The following GRIK4 variants were observed in gnomAD, a reference collection of about 807,000 sequenced individuals.
GRIK4 encodes the protein glutamate ionotropic receptor kainate type subunit 4.
GRIK4 carries 40 observed loss-of-function variants against 104.9 expected under a neutral mutation model. That is an observed-to-expected ratio of 0.38 (90% CI 0.30 to 0.50). GRIK4 has a LOEUF of 0.50. GRIK4 is among the 20% of genes least tolerant of loss of function. The pLI, the probability that GRIK4 is intolerant of heterozygous loss-of-function variation, is 0.93. For missense variants in GRIK4, 1,047 were observed against 1,308.1 expected (o/e 0.80, Z 3.08); for synonymous variants, 485 against 524.9 (o/e 0.92, Z 1.04).
At position 120,986,279 on chromosome 11, in the gene GRIK4, G is replaced by C; in HGVS notation, c.*19G>C. 6.5e-7 allele frequency: 1 copy of C among 1,529,648 alleles called. No homozygotes were observed. The highest frequency in any genetic ancestry group is 8.7e-7 in the Non-Finnish European group (1 of 1,149,018). 94.8% of individuals were successfully genotyped at this position (1,529,648 alleles called of 1,614,324 possible). ...CGAGTAGTCCCGGAGGCCACAGGAC[G>C]CGCAGAGGCCGGGCGGGGCGGGAGG... On this transcript the variant is annotated 3_prime_UTR_variant, in exon 21 of 21. Coordinates refer to ENST00000527524, the MANE Select transcript of GRIK4 (RefSeq NM_014619.5).
intron 13 of GRIK4, among the ~76,000 whole-genome samples, chr11:120,934,183 T>C (rs553546085): frequency 1.0e-3 from 123 of 118,782 alleles, no homozygotes; most frequent in African/African-American, 1.5e-3. Flanking sequence ...CCAGGCTGGG[T>C]GACAGAGCGA....
intron 1 of GRIK4, among the ~76,000 whole-genome samples, chr11:120,584,444 A>G (rs1948631111): frequency 6.6e-6 from 1 of 152,222 alleles, no homozygotes; most frequent in African/African-American, 2.4e-5. Context: ...GCTTACAATC[A>G]TGGTGGAAGG....
rs5795252 is a variant in GRIK4, at chr11:120,928,213, TA to T, written c.1477-12117del. Among the ~76,000 whole-genome samples, 1,040 of 126,308 alleles carry T rather than the reference TA, an allele frequency of 8.2e-3. 14 individuals carry two copies. The highest frequency in any genetic ancestry group is 0.028 in the African/African-American group (932 of 33,358). 82.9% of individuals were successfully genotyped at this position (126,308 alleles called of 152,430 possible). ...TGGGAGACAGAGCAAGACTCCGTCT[TA>T]AAAAAAAAAAAAAAAAGCTAGAAGG... On this transcript the variant is annotated intron_variant, in intron 13 of 20. Transcript: ENST00000527524.
chr11:120,749,637 A>G (rs1951510263), intron 3 of GRIK4, among the ~76,000 whole-genome samples: 1 of 152,162 alleles, frequency 6.6e-6, no homozygotes, highest in African/African-American at 2.4e-5. Context: ...GCCAAGCACA[A>G]TGAGCACAGC....
chr11:120,886,969 C>G (rs1286207940), intron 11 of GRIK4, among the ~76,000 whole-genome samples: 3 of 152,206 alleles, frequency 2.0e-5, no homozygotes, highest in African/African-American at 7.2e-5. Flanking sequence ...GCAAATGGAT[C>G]ATCATAGAGT....
At position 120,668,101 on chromosome 11, in the gene GRIK4, GGATAGATAGATAGATAGATA is replaced by G. The variant is rs60323501; in HGVS notation, c.82+7730_82+7749del. Among the ~76,000 whole-genome samples the G allele has an allele frequency of 4.3e-3, 615 of 144,206 alleles. 5 individuals carry two copies. The highest frequency in any genetic ancestry group is 0.027 in the Admixed American group (388 of 14,374). 94.6% of individuals were successfully genotyped at this position (144,206 alleles called of 152,430 possible). On this transcript the variant is annotated intron_variant, in intron 3 of 20. Transcript: ENST00000527524. ...CTGTCTCATAGATGGATAGATAGATGGATAGATAGATAGATAGATAGATAGATAGATAGATAGATAGATAG... is the reference window on the plus strand; with the variant it reads ...CTGTCTCATAGATGGATAGATAGATGGATAGATAGATAGATAGATAGATAG...
intron 6 of GRIK4, among the ~76,000 whole-genome samples, chr11:120,829,481 G>A (rs996076977): frequency 1.6e-4 from 24 of 152,184 alleles, no homozygotes; most frequent in Non-Finnish European, 1.9e-4. Context: ...CCTGAGGGCA[G>A]GGACTGTATG....
chr11:120,676,211 A>G (rs1485939131), intron 3 of GRIK4, among the ~76,000 whole-genome samples: 4 of 152,162 alleles, frequency 2.6e-5, no homozygotes, highest in African/African-American at 9.7e-5. Context: ...TTCTCGCCTC[A>G]CAAGCTCACT....
At chr11:120,671,988 C>A (rs1950025659) in intron 3 of GRIK4, among the ~76,000 whole-genome samples, 1 of 152,164 alleles carries the variant, frequency 6.6e-6, no homozygotes, top group Non-Finnish European at 1.5e-5. Context: ...ATCTGTATAT[C>A]TGTTTTGGCA....
chr11:120,838,640 C>T (rs888398771), intron 8 of GRIK4, among the ~76,000 whole-genome samples: 5 of 152,210 alleles, frequency 3.3e-5, no homozygotes, highest in African/African-American at 1.2e-4. Flanking sequence ...ATTCTAGAAG[C>T]TTCTCATGAG....
intron 3 of GRIK4, among the ~76,000 whole-genome samples, chr11:120,750,926 G>A (rs1488541092): frequency 6.6e-6 from 1 of 152,176 alleles, no homozygotes; most frequent in African/African-American, 2.4e-5. Context: ...CAGTGGGTTA[G>A]TGGTTGTGTC....
At chr11:120,846,530 G>A (rs1953856164) in intron 8 of GRIK4, among the ~76,000 whole-genome samples, 1 of 152,234 alleles carries the variant, frequency 6.6e-6, no homozygotes, top group South Asian at 2.1e-4. Flanking sequence ...GCAGTGGTAA[G>A]TTATAGTTCC....
intron 1 of GRIK4, among the ~76,000 whole-genome samples, chr11:120,516,219 G>T (rs935703989): frequency 3.9e-5 from 6 of 152,192 alleles, no homozygotes; most frequent in Non-Finnish European, 7.3e-5. Context: ...AGTTTGGGTG[G>T]ATAGCACACC....
At chr11:120,862,924 C>A (rs1368045212) in intron 9 of GRIK4, among the ~76,000 whole-genome samples, 1 of 152,196 alleles carries the variant, frequency 6.6e-6, no homozygotes, top group African/African-American at 2.4e-5. Flanking sequence ...GATGCTAACT[C>A]CAACTTCCTG....
intron 1 of GRIK4, among the ~76,000 whole-genome samples, chr11:120,532,059 A>C (rs962895893): frequency 6.6e-6 from 1 of 152,094 alleles, no homozygotes; most frequent in African/African-American, 2.4e-5. Flanking sequence ...TCCATTCAGG[A>C]GCGCACCTGG....
At chr11:120,984,697 A>G (rs1944708970) in intron 20 of GRIK4, among the ~76,000 whole-genome samples, 1 of 151,848 alleles carries the variant, frequency 6.6e-6, no homozygotes, top group Admixed American at 6.6e-5. Context: ...TGAACCCAGG[A>G]GGTGGAGGTT....
At position 120,581,894 on chromosome 11, in the gene GRIK4, C is replaced by T. The variant is rs564489652; in HGVS notation, c.-159+70007C>T. On this transcript the variant is annotated intron_variant, in intron 1 of 20. Coordinates refer to ENST00000527524, the MANE Select transcript of GRIK4 (RefSeq NM_014619.5). ...TGATCTCGGCTCACTGCAAGCTCCACCTCCCGGGTTCACGCCATTCTTCTG... is the reference window on the plus strand; with the variant it reads ...TGATCTCGGCTCACTGCAAGCTCCATCTCCCGGGTTCACGCCATTCTTCTG... Among the ~76,000 whole-genome samples, 325 of 152,014 alleles carry T rather than the reference C, an allele frequency of 2.1e-3. 1 individual carries two copies. Among genetic ancestry groups the T allele is most frequent in the Non-Finnish European group, 2.8e-3 (187 of 67,984 alleles).
intron 16 of GRIK4, among the ~76,000 whole-genome samples, chr11:120,957,591 A>ATGTGTGTGTGTGTGTGTGTGTG (rs72064502): frequency 0.018 from 2,403 of 136,434 alleles, 39 homozygotes; most frequent in Middle Eastern, 0.022. Flanking sequence ...GACAAAACAA[A>ATGTGTGTGTGTGTGTGTGTGTG]TGTGTGTGTG....
chr11:120,935,045 G>A (rs889773273), intron 13 of GRIK4, among the ~76,000 whole-genome samples: 11 of 152,172 alleles, frequency 7.2e-5, no homozygotes, highest in Admixed American at 7.2e-4. Flanking sequence ...CCTCCTCAGA[G>A]CGTTCAATAC....
Sources: allele counts gnomAD v4.1 joint callset (sites outside exome capture counted in the v4.1 genomes callset), GRCh38; gene constraint gnomAD v4.1.1; transcripts MANE v1.5; gene names NCBI Gene and HGNC (gene_info 2026-07-23, HGNC 2026-07-21).